Variants in PTPRN2 observed in about 807,000 individuals in gnomAD.
PTPRN2 encodes protein tyrosine phosphatase receptor type N2.
A neutral mutation model predicts 118.8 loss-of-function variants in PTPRN2; 74 were observed. The observed-to-expected ratio is 0.62, with a 90% CI of 0.52 to 0.76. The LOEUF is 0.76. Ranked by LOEUF, PTPRN2 falls within the 30% of genes least tolerant of loss-of-function variation. PTPRN2 has a pLI of 0.00. For synonymous variants in PTPRN2, 641 were observed against 608.0 expected, an observed-to-expected ratio of 1.05 and a Z score of -0.80; for missense variants, 1,481 against 1,394.4, an observed-to-expected ratio of 1.06 and a Z score of -0.99.
intron 12 of PTPRN2, among the ~76,000 whole-genome samples, chr7:157,800,831 A>G (rs1805228768): frequency 1.3e-5 from 2 of 152,030 alleles, no homozygotes; most frequent in South Asian, 2.1e-4. Context: ...GGGCACCTGT[A>G]GTCCCAGCTA....
In PTPRN2 at chr7:157,671,010, G is replaced by T. The variant is rs117311489; in HGVS notation, c.2001+11715C>A. ...ATCCCTGTCATCACCCGCATCTTCA[G>T]CCTGCAGCGCGTAGGGAGGACTCCC... On this transcript the variant is annotated intron_variant, in intron 13 of 22. Coordinates refer to ENST00000389418, the MANE Select transcript of PTPRN2 (RefSeq NM_002847.5). The surrounding 1 kb of genome is among the most constrained non-coding windows in gnomAD (Gnocchi z 4.1). Among the ~76,000 whole-genome samples the T allele has an allele frequency of 3.0e-4, 45 of 152,270 alleles. No homozygotes were observed. The East Asian group carries it at 8.1e-3, about 27-fold the overall frequency.
At chr7:158,522,734 T>C (rs1260539094) in intron 1 of PTPRN2, among the ~76,000 whole-genome samples, 2 of 152,072 alleles carry the variant, frequency 1.3e-5, no homozygotes, top group African/African-American at 2.4e-5. Context: ...AGCCCAGGGG[T>C]TGGCACAGTC....
intron 11 of PTPRN2, among the ~76,000 whole-genome samples, chr7:157,901,383 C>T (rs895423373): frequency 2.6e-5 from 4 of 152,200 alleles, no homozygotes; most frequent in Admixed American, 1.3e-4. Context: ...TGAGGCATGG[C>T]GGGGCCGAAC....
At chr7:157,839,816 G>GGTGTGACTGTGTGGCCAC (rs1808239742) in intron 12 of PTPRN2, among the ~76,000 whole-genome samples, 1 of 148,352 alleles carries the variant, frequency 6.7e-6, no homozygotes, top group African/African-American at 2.5e-5. Context: ...TGTGTGACCA[G>GGTGTGACTGTGTGGCCAC]GTGTGACTGT....
At chr7:158,365,907 ACACACACACT>A (rs1197526470) in intron 2 of PTPRN2, among the ~76,000 whole-genome samples, 4 of 142,938 alleles carry the variant, frequency 2.8e-5, no homozygotes, top group Non-Finnish European at 4.5e-5. Context: ...GTGCACACAC[ACACACACACT>A]GCATCCCTGG....
In PTPRN2 at chr7:157,822,416, A is replaced by G. The variant is rs191832704; in HGVS notation, c.1788+76257T>C. ...TCTATATACTATCCATTAACTATCC[A>G]TCCACTCATCTATCCATCTATATAC... is the stretch of plus-strand genomic sequence containing the variant. On this transcript the variant is annotated intron_variant, in intron 12 of 22. Coordinates refer to ENST00000389418, the MANE Select transcript of PTPRN2 (RefSeq NM_002847.5). Among the ~76,000 whole-genome samples, 160 of 151,888 alleles carry G rather than the reference A, an allele frequency of 1.1e-3. 1 individual carries two copies. Among genetic ancestry groups the G allele is most frequent in the African/African-American group, 3.7e-3 (155 of 41,410 alleles).
intron 2 of PTPRN2, among the ~76,000 whole-genome samples, chr7:158,484,111 G>A (rs577854293): frequency 8.5e-4 from 130 of 152,246 alleles, no homozygotes; most frequent in Non-Finnish European, 1.6e-3. Context: ...ACCACTGCAC[G>A]CCAACCTTGG....
At chr7:158,356,955 C>T (rs1030345775) in intron 2 of PTPRN2, among the ~76,000 whole-genome samples, 2 of 152,198 alleles carry the variant, frequency 1.3e-5, no homozygotes, top group Admixed American at 6.5e-5. Context: ...AGCACAGGGT[C>T]AGGTGGGCTC....
intron 12 of PTPRN2, among the ~76,000 whole-genome samples, chr7:157,897,020 G>A (rs762389107): frequency 1.3e-5 from 2 of 151,022 alleles, no homozygotes; most frequent in African/African-American, 2.4e-5. Context: ...CGCTTCTCAC[G>A]GGGCCTAAAT....
chr7:158,338,339 GTCACTCACATCCACACTCTCACCATAA>G, intron 2 of PTPRN2, among the ~76,000 whole-genome samples: 1 of 13,536 alleles, frequency 7.4e-5, no homozygotes, highest in Non-Finnish European at 1.7e-4. Flanking sequence ...ACCCGCAGAC[GTCACTCACATCCACACTCTCACCATAA>G]GAGGTGACAC....
intron 12 of PTPRN2, among the ~76,000 whole-genome samples, chr7:157,793,732 G>T (rs551474618): frequency 6.6e-6 from 1 of 152,198 alleles, no homozygotes; most frequent in Admixed American, 6.5e-5. Flanking sequence ...GCCACGTATA[G>T]ATCCACTGGA....
chr7:157,724,173 G>T (rs1025126508), intron 12 of PTPRN2, among the ~76,000 whole-genome samples: 1 of 151,812 alleles, frequency 6.6e-6, no homozygotes, highest in Non-Finnish European at 1.5e-5. Flanking sequence ...AATTGTGCTG[G>T]TGTGGGTGGA....
chr7:158,038,255 T>C (rs1271314474), intron 11 of PTPRN2, among the ~76,000 whole-genome samples: 3 of 152,118 alleles, frequency 2.0e-5, no homozygotes, highest in African/African-American at 7.2e-5. Flanking sequence ...AGTACACACA[T>C]GGGGACTGGA....
At chr7:157,932,121 T>G (rs1047056820) in intron 11 of PTPRN2, among the ~76,000 whole-genome samples, 1 of 152,240 alleles carries the variant, frequency 6.6e-6, no homozygotes, top group Non-Finnish European at 1.5e-5. Flanking sequence ...TTCTGAACTA[T>G]TTGAGAGAAA....
chr7:157,731,253 C>G (rs1447980666), intron 12 of PTPRN2, among the ~76,000 whole-genome samples: 1 of 152,164 alleles, frequency 6.6e-6, no homozygotes, highest in Non-Finnish European at 1.5e-5. Context: ...GGAAGGTAAT[C>G]GAGGTGCCTT....
chr7:157,602,481 T>C (rs58551046), intron 16 of PTPRN2, among the ~76,000 whole-genome samples: 5,937 of 124,504 alleles, frequency 0.048, 235 homozygotes, highest in African/African-American at 0.11. Flanking sequence ...GAGCACCGTC[T>C]GCCATCAGTG....
Position 158,173,713 on chromosome 7 carries a change from G to C in PTPRN2, c.550-6422C>G, listed in dbSNP as rs548163799. ...CTCTTATCTTCAACTGCATAAGACAGACACTCCCAGAACGGCCATTCATAG... is the reference window on the plus strand; with the variant it reads ...CTCTTATCTTCAACTGCATAAGACACACACTCCCAGAACGGCCATTCATAG... On this transcript the variant is annotated intron_variant, in intron 5 of 22. Transcript: ENST00000389418. Among the ~76,000 whole-genome samples the C allele has an allele frequency of 1.4e-4, 22 of 152,280 alleles. No homozygotes were observed. The South Asian group carries it at 4.3e-3, about 30-fold the overall frequency.
At chr7:158,465,575 C>T (rs1819329987) in intron 2 of PTPRN2, among the ~76,000 whole-genome samples, 1 of 152,164 alleles carries the variant, frequency 6.6e-6, no homozygotes, top group Admixed American at 6.6e-5. Context: ...ACAAAGAAGG[C>T]ATTATTGCTA....
At chr7:158,394,635 A>G (rs1812194157) in intron 2 of PTPRN2, among the ~76,000 whole-genome samples, 1 of 152,144 alleles carries the variant, frequency 6.6e-6, no homozygotes, top group African/African-American at 2.4e-5. Context: ...AAGGCACAAA[A>G]CTCACTCATT....
Sources: allele counts gnomAD v4.1 joint callset (sites outside exome capture counted in the v4.1 genomes callset), GRCh38; gene constraint gnomAD v4.1.1; non-coding constraint Gnocchi (gnomAD v3.1); transcripts MANE v1.5; gene names NCBI Gene and HGNC (gene_info 2026-07-23, HGNC 2026-07-21).